FHIT: variants seen among roughly 807,000 people sequenced by gnomAD.
The protein encoded by FHIT is fragile histidine triad diadenosine triphosphatase.
FHIT carries 19 observed loss-of-function variants against 17.9 expected under a neutral mutation model. The ratio of observed to expected loss-of-function variants is 1.06; its 90% confidence interval spans 0.74 to 1.56. The LOEUF (loss-of-function observed/expected upper bound fraction) is 1.56. FHIT is among the 40% of genes most tolerant of loss of function. The pLI is 0.00. For synonymous variants in FHIT, 81 were observed against 69.7 expected (o/e 1.16, Z -0.81); for missense variants, 248 against 189.2 (o/e 1.31, Z -1.82).
At chr3:60,265,889 C>T (rs1403577434) in intron 5 of FHIT, among the ~76,000 whole-genome samples, 2 of 151,612 alleles carry the variant, frequency 1.3e-5, no homozygotes, top group East Asian at 1.9e-4. Flanking sequence ...CATTTGGCAC[C>T]CACAAGGTCA....
chr3:60,382,606 T>A (rs1481832413), intron 5 of FHIT, among the ~76,000 whole-genome samples: 1 of 152,220 alleles, frequency 6.6e-6, no homozygotes, highest in African/African-American at 2.4e-5. Context: ...TTGATTCTTG[T>A]CAAGTAAACA....
Position 61,194,999 on chromosome 3 carries a change from G to A in FHIT, c.-164+5618C>T, listed in dbSNP as rs570999287. Among the ~76,000 whole-genome samples the A allele has an allele frequency of 8.2e-5, 12 of 146,980 alleles. No individual in the cohort carries two copies. The South Asian group carries it at 2.8e-3, about 34-fold the overall frequency. On this transcript the variant is annotated intron_variant, in intron 2 of 9. Coordinates refer to ENST00000492590, the MANE Select transcript of FHIT (RefSeq NM_002012.4). ...GAAATGCCATAAGCAAGGGGCGAGG[G>A]GGGTGGTTAGTGGGGGGTGTGATAG...
At chr3:60,280,710 A>G (rs1280707078) in intron 5 of FHIT, among the ~76,000 whole-genome samples, 1 of 152,126 alleles carries the variant, frequency 6.6e-6, no homozygotes, top group Admixed American at 6.6e-5. Flanking sequence ...TCAGGGAAGA[A>G]ATTTCTATTG....
intron 5 of FHIT, among the ~76,000 whole-genome samples, chr3:60,516,012 A>T (rs2035140080): frequency 6.6e-6 from 1 of 152,142 alleles, no homozygotes; most frequent in African/African-American, 2.4e-5. Flanking sequence ...TCAAGTTGAT[A>T]TAGTGGGGAA....
chr3:60,744,343 T>G (rs1260999037), intron 4 of FHIT, among the ~76,000 whole-genome samples: 2 of 133,980 alleles, frequency 1.5e-5, no homozygotes, highest in African/African-American at 5.7e-5. Context: ...TCCTTGCAAA[T>G]AAGATATTTC....
chr3:60,049,615 A>G (rs1701792183), intron 5 of FHIT, among the ~76,000 whole-genome samples: 1 of 152,202 alleles, frequency 6.6e-6, no homozygotes, highest in African/African-American at 2.4e-5. Context: ...TTTTATGTTG[A>G]TGATATACTG....
At chr3:61,025,048 G>C (rs1307779020) in intron 3 of FHIT, among the ~76,000 whole-genome samples, 1 of 152,014 alleles carries the variant, frequency 6.6e-6, no homozygotes, top group East Asian at 1.9e-4. Context: ...TTTCCAGTTA[G>C]ACATTGTGTT....
intron 7 of FHIT, among the ~76,000 whole-genome samples, chr3:59,984,840 G>T (rs147143165): frequency 7.0e-4 from 107 of 152,202 alleles, no homozygotes; most frequent in Middle Eastern, 6.8e-3. Context: ...GCAGATTCCA[G>T]GGGCTACATG....
At chr3:60,537,398 C>A (rs767467728) in intron 4 of FHIT, 24 of 814,130 alleles carry the variant, frequency 2.9e-5, no homozygotes, top group Non-Finnish European at 3.4e-5. Context: ...TTAAATGCTT[C>A]TCTCAAATGG....
At chr3:60,451,896 A>T (rs562014680) in intron 5 of FHIT, among the ~76,000 whole-genome samples, 2 of 152,210 alleles carry the variant, frequency 1.3e-5, no homozygotes, top group African/African-American at 4.8e-5. Flanking sequence ...TTAAAGATAC[A>T]ATCCTTAGGC....
chr3:60,488,419 C>A (rs1013581360), intron 5 of FHIT, among the ~76,000 whole-genome samples: 1 of 152,096 alleles, frequency 6.6e-6, no homozygotes, highest in Non-Finnish European at 1.5e-5. Context: ...TTCCAAGTAA[C>A]CCTGTATTTA....
At chr3:61,146,499 C>A (rs2037230494) in intron 2 of FHIT, among the ~76,000 whole-genome samples, 1 of 152,046 alleles carries the variant, frequency 6.6e-6, no homozygotes, top group African/African-American at 2.4e-5. Flanking sequence ...TATTATTCTG[C>A]ATTTTGGCTT....
intron 5 of FHIT, among the ~76,000 whole-genome samples, chr3:60,047,043 A>C (rs1701681620): frequency 6.6e-6 from 1 of 152,210 alleles, no homozygotes; most frequent in South Asian, 2.1e-4. Flanking sequence ...ACCAACTTAA[A>C]TGCACTGAAG....
At chr3:60,514,805 C>G (rs974342696) in intron 5 of FHIT, among the ~76,000 whole-genome samples, 77 of 152,112 alleles carry the variant, frequency 5.1e-4, no homozygotes, top group Non-Finnish European at 1.3e-4. Flanking sequence ...TCAGGAGACA[C>G]AGAAGTCACA....
chr3:60,375,098 C>G (rs1700494294), intron 5 of FHIT, among the ~76,000 whole-genome samples: 1 of 89,226 alleles, frequency 1.1e-5, no homozygotes, highest in African/African-American at 5.2e-5. Flanking sequence ...TCCTTTTGCT[C>G]CTTTTGAAAA....
chr3:60,477,135 G>A lies in FHIT; in HGVS notation c.103+59725C>T, dbSNP rs149621325. On this transcript the variant is annotated intron_variant, in intron 5 of 9. Transcript: ENST00000492590. Reference sequence around the variant, plus strand: ...TACAAAAATAAGCAATGAATTAAAAGCAAGTCTGTCATTAACCCACGGTGA... The same window carrying A: ...TACAAAAATAAGCAATGAATTAAAAACAAGTCTGTCATTAACCCACGGTGA... Among the ~76,000 whole-genome samples the A allele has an allele frequency of 1.3e-3, 199 of 151,912 alleles. 1 individual carries two copies. Among genetic ancestry groups the A allele is most frequent in the African/African-American group, 3.6e-3 (149 of 41,434 alleles).
intron 2 of FHIT, among the ~76,000 whole-genome samples, chr3:61,155,535 T>C (rs1203760399): frequency 6.6e-6 from 1 of 152,136 alleles, no homozygotes; most frequent in Non-Finnish European, 1.5e-5. Context: ...CAAGTACCTA[T>C]CCACCCAGGT....
chr3:60,964,903 T>A (rs1366301459), intron 3 of FHIT, among the ~76,000 whole-genome samples: 1 of 152,226 alleles, frequency 6.6e-6, no homozygotes, highest in Non-Finnish European at 1.5e-5. Flanking sequence ...CTGACAATTA[T>A]GTGTCTTGGA....
At chr3:60,730,142 GA>G in intron 4 of FHIT, 1 of 470,998 alleles carries the variant, frequency 2.1e-6, no homozygotes, top group Admixed American at 2.4e-5. Context: ...AAGAAGCACC[GA>G]AGGACCACTG....
Sources: allele counts gnomAD v4.1 joint callset (sites outside exome capture counted in the v4.1 genomes callset), GRCh38; gene constraint gnomAD v4.1.1; transcripts MANE v1.5; gene names NCBI Gene and HGNC (gene_info 2026-07-23, HGNC 2026-07-21).